Variants in CFAP46 observed in about 807,000 individuals in gnomAD.
CFAP46 encodes the protein cilia and flagella associated protein 46, also known as cilia- and flagella-associated protein 46.
In CFAP46, 245 loss-of-function variants were observed where a neutral mutation model predicts 325.7. The ratio of observed to expected loss-of-function variants is 0.75; its 90% CI spans 0.68 to 0.84. The LOEUF (loss-of-function observed/expected upper bound fraction) is 0.84. Among genes scored for constraint, CFAP46 ranks in the 40% least tolerant of loss-of-function variants. The pLI is 0.00. For missense variants in CFAP46, 3,346 were observed against 3,543.0 expected (o/e 0.94, Z 1.41); for synonymous variants, 1,523 against 1,495.9 (o/e 1.02, Z -0.42).
intron 4 of CFAP46, among the ~76,000 whole-genome samples, chr10:132,940,535 A>G (rs11146053): frequency 0.15 from 22,510 of 151,996 alleles, 2,087 homozygotes; most frequent in African/African-American, 0.27. Flanking sequence ...GGGAAGGAGA[A>G]GGCGCCCTGG....
chr10:132,927,797 C>A (rs942646638), intron 9 of CFAP46, among the ~76,000 whole-genome samples: 1 of 152,270 alleles, frequency 6.6e-6, no homozygotes, highest in African/African-American at 2.4e-5. Context: ...AAATTAAAAA[C>A]TATTCATATC....
chr10:132,866,145 C>T lies in CFAP46; in HGVS notation c.4770G>A (p.Gly1590=), dbSNP rs1848809815. Residue 1590 remains glycine, a synonymous_variant, in exon 35 of 58, where the codon GGG becomes GGA. Transcript: ENST00000368586. ...GAAAGGACGTCCCATCCAGGTCCCT[C>T]CCGGTCTCCCCATTCATCTTCAAAA... ...DKILKMNGET[G]RDLDGTSFPH... 5 of 1,536,444 alleles carry T rather than the reference C, an allele frequency of 3.3e-6. No individual in the cohort carries two copies. In the South Asian group the frequency reaches 3.7e-5, roughly 11 times the overall value.
At position 132,938,569 on chromosome 10, in the gene CFAP46, G is replaced by A. The variant is rs200235523; in HGVS notation, c.536+20C>T. On this transcript the variant is annotated intron_variant, in intron 5 of 57. Transcript: ENST00000368586. ...GCGGCCCACCGGGAGGCCACAGAGG[G>A]CACGGCGAGCTCAACTCACAGCATC... 6 of 1,610,100 alleles carry A rather than the reference G, an allele frequency of 3.7e-6. No homozygotes were observed. Among genetic ancestry groups the A allele is most frequent in the Non-Finnish European group, 4.2e-6 (5 of 1,178,626 alleles).
At chr10:132,923,126 G>A (rs144771954) in intron 11 of CFAP46, among the ~76,000 whole-genome samples, 6,047 of 152,050 alleles carry the variant, frequency 0.04, 170 homozygotes, top group South Asian at 0.065. Context: ...CAACCAGCCC[G>A]TGTGGGGGTT....
chr10:132,811,144 GC>G, intron 55 of CFAP46, 113 bp from the exon 56 acceptor site: 1 of 890,378 alleles, frequency 1.1e-6, no homozygotes, highest in South Asian at 1.5e-5. Flanking sequence ...TGGCACGCTG[GC>G]CACTCAGCTC....
intron 8 of CFAP46, among the ~76,000 whole-genome samples, chr10:132,933,446 A>C (rs2135708540): frequency 6.6e-6 from 1 of 152,370 alleles, no homozygotes; most frequent in Non-Finnish European, 1.5e-5. Context: ...ATGCTCGGCC[A>C]GGGCCACGGC....
intron 1 of CFAP46, 102 bp from the exon 2 acceptor site, chr10:132,942,206 G>GAA: frequency 6.9e-7 from 1 of 1,448,402 alleles, no homozygotes; most frequent in Non-Finnish European, 9.3e-7. Context: ...TTGGGCCCCC[G>GAA]GGCCACAGCC....
intron 44 of CFAP46, among the ~76,000 whole-genome samples, chr10:132,841,267 A>T (rs1229689284): frequency 6.6e-6 from 1 of 152,254 alleles, no homozygotes; most frequent in Non-Finnish European, 1.5e-5. Context: ...CGGCTGAGAC[A>T]TTCCCACTTG....
intron 24 of CFAP46, among the ~76,000 whole-genome samples, chr10:132,897,704 C>A (rs1440395173): frequency 6.6e-6 from 1 of 152,228 alleles, no homozygotes; most frequent in Non-Finnish European, 1.5e-5. Flanking sequence ...TGCCTCCGTA[C>A]TCTCCAGTCT....
intron 39 of CFAP46, among the ~76,000 whole-genome samples, chr10:132,855,165 A>G (rs1243862591): frequency 6.6e-6 from 1 of 151,434 alleles, no homozygotes; most frequent in Non-Finnish European, 1.5e-5. Context: ...TCTCCGTTGC[A>G]ATTTTATTTT....
At position 132,881,029 on chromosome 10, in the gene CFAP46, G is replaced by A. The variant is rs1849035242; in HGVS notation, c.3631C>T (p.Pro1211Ser). The A allele has an allele frequency of 1.3e-6, 2 of 1,550,430 alleles. No homozygotes were observed. The highest frequency in any genetic ancestry group is 8.7e-7 in the Non-Finnish European group (1 of 1,146,948). The change falls in exon 28 of 58, where the codon CCT becomes TCT. Residue 1211 changes from proline (P) to serine (S), a missense_variant. Physicochemically the swap from Pro to Ser is moderately conservative, Grantham distance 74. Transcript: ENST00000368586. ...TCCACCTTCTGCCACTCCATCTCAG[G>A]CTTCTGTGGGATTGAACAGGAAGGG... ...YNNAIQALQK[P>S]EMEWQKVEYL...
chr10:132,823,124 CTGA>C (rs1444270934), intron 50 of CFAP46, among the ~76,000 whole-genome samples: 6 of 116,868 alleles, frequency 5.1e-5, no homozygotes, highest in Admixed American at 9.8e-5. Flanking sequence ...TGTGTGTGTG[CTGA>C]TGTGTGCTCT....
In CFAP46 at chr10:132,813,000, C is replaced by G. The variant is rs1847613128; in HGVS notation, c.7389-103G>C. ...CACATCCTGCGTGGTCCACGCCTGT[C>G]CCATTTGTGCATTAAACTGAACTTT... On this transcript the variant is annotated intron_variant, in intron 54 of 57. Coordinates refer to ENST00000368586, the MANE Select transcript of CFAP46 (RefSeq NM_001200049.3). 20 of 791,636 alleles carry G rather than the reference C, an allele frequency of 2.5e-5. 1 individual carries two copies. In the South Asian group the frequency reaches 3.0e-4, roughly 12 times the overall value. The allele number at this position is 791,636 out of a possible 1,614,324, so 49.0% of individuals were successfully genotyped here.
chr10:132,933,894 A>C (rs1452333921), intron 8 of CFAP46, among the ~76,000 whole-genome samples: 1 of 152,168 alleles, frequency 6.6e-6, no homozygotes, highest in Non-Finnish European at 1.5e-5. Context: ...ACCAGTCAAC[A>C]CTGTGGCTGC....
intron 22 of CFAP46, among the ~76,000 whole-genome samples, chr10:132,906,744 G>A (rs4994082): frequency 1.1e-4 from 10 of 93,358 alleles, no homozygotes; most frequent in Non-Finnish European, 1.6e-4. Flanking sequence ...GGGTCCTGGC[G>A]CGTGATGCCC....
Position 132,884,779 on chromosome 10 carries a change from G to A in CFAP46, c.3627+324C>T, listed in dbSNP as rs1016389335. ...TCTCCTCTGCAGCCACCCGCCCATCGGGGCCCTGGTGCCACCAGGGGAGCC... is the reference window on the plus strand; with the variant it reads ...TCTCCTCTGCAGCCACCCGCCCATCAGGGCCCTGGTGCCACCAGGGGAGCC... On this transcript the variant is annotated intron_variant, in intron 27 of 57. Transcript: ENST00000368586. This position sits in a 1 kb window ranked among gnomAD's most constrained non-coding sequence, Gnocchi z 5.4. 2.6e-5 allele frequency among the ~76,000 whole-genome samples: 4 copies of A among 151,962 alleles called. No individual in the cohort carries two copies. The highest frequency in any genetic ancestry group is 6.5e-5 in the Admixed American group (1 of 15,268).
Position 132,912,711 on chromosome 10 carries a change from C to T in CFAP46, c.2443G>A (p.Ala815Thr), listed in dbSNP as rs919343836. The stretch of plus-strand genomic sequence containing the variant: ...CCTGCGTCCAGTGGGCTGTGAAACG[C>T]GTTTGGTCGCATGAATTTCCTGGAC... ...EKSRKFMRPN[A>T]FHSPLDAGAT... The change falls in exon 19 of 58, where the codon GCG becomes ACG. Residue 815 changes from alanine (A) to threonine (T), a missense_variant. By Grantham distance (58) the Ala-to-Thr change is moderately conservative (BLOSUM62 0). Coordinates refer to ENST00000368586, the MANE Select transcript of CFAP46 (RefSeq NM_001200049.3). The T allele has an allele frequency of 1.1e-5, 17 of 1,550,084 alleles. No homozygotes were observed. Among genetic ancestry groups the T allele is most frequent in the Middle Eastern group, 3.3e-4 (2 of 6,014 alleles).
chr10:132,885,152 C>T lies in CFAP46; in HGVS notation c.3578G>A (p.Ser1193Asn), dbSNP rs570418381. The stretch of plus-strand genomic sequence containing the variant: ...GTAGCAGGCCAGCTCTCCAGACACG[C>T]TCGGCGAGTTCAGGGCCAGGCGGTG... The part of the protein sequence containing the change: ...MWHRLALNSP[S>N]VSGELACYNN... The change falls in exon 27 of 58, where the codon AGC becomes AAC. Residue 1193 changes from serine to asparagine, a missense_variant. Coordinates refer to ENST00000368586, the MANE Select transcript of CFAP46 (RefSeq NM_001200049.3). The T allele has an allele frequency of 1.0e-5, 16 of 1,550,380 alleles. No homozygotes were observed. The Admixed American group carries it at 2.4e-4, about 23-fold the overall frequency.
intron 50 of CFAP46, among the ~76,000 whole-genome samples, chr10:132,822,377 GTGTGTGCTGA>G (rs1341306110): frequency 1.0e-4 from 15 of 146,806 alleles, no homozygotes; most frequent in South Asian, 6.5e-4. Context: ...TGTGTGCTGT[GTGTGTGCTGA>G]TGTGTGCTGA....
Sources: gnomAD v4.1 joint callset for allele counts (sites outside exome capture counted in the v4.1 genomes callset) on GRCh38, gnomAD v4.1.1 for gene constraint, Gnocchi (gnomAD v3.1) non-coding constraint, MANE v1.5 for transcripts, NCBI Gene and HGNC (gene_info 2026-07-23, HGNC 2026-07-21) for gene names.